FSD2: variants seen among roughly 807,000 people sequenced by gnomAD.
The protein encoded by FSD2 is fibronectin type III and SPRY domain containing 2.
A neutral mutation model predicts 80.4 loss-of-function variants in FSD2; 71 were observed. The observed-to-expected ratio is 0.88, with a 90% CI of 0.73 to 1.08. The LOEUF (loss-of-function observed/expected upper bound fraction) is 1.08. FSD2 is among the 50% of genes least tolerant of loss of function. FSD2 has a pLI of 0.00. For missense variants in FSD2, 923 were observed against 913.8 expected, an observed-to-expected ratio of 1.01 and a Z score of -0.13; for synonymous variants, 361 against 329.5, an observed-to-expected ratio of 1.10 and a Z score of -1.03.
intron 1 of FSD2, among the ~76,000 whole-genome samples, chr15:82,803,227 C>T (rs1228905164): frequency 2.0e-5 from 3 of 152,138 alleles, no homozygotes; most frequent in Non-Finnish European, 4.4e-5. Flanking sequence ...GCTTGAAACC[C>T]TCCTGTCTCT....
At chr15:82,767,101 G>A (rs1389987562) in intron 9 of FSD2, among the ~76,000 whole-genome samples, 2 of 152,160 alleles carry the variant, frequency 1.3e-5, no homozygotes, top group Non-Finnish European at 2.9e-5. Flanking sequence ...TAGGTTCCAG[G>A]CACTGTATAG....
At chr15:82,785,772 A>AC (rs374362717) in intron 3 of FSD2, among the ~76,000 whole-genome samples, 277 of 152,256 alleles carry the variant, frequency 1.8e-3, no homozygotes, top group African/African-American at 6.5e-3. Context: ...CATTATAGGT[A>AC]CCCCCAAAAG....
At chr15:82,801,588 G>A (rs2050414062) in intron 1 of FSD2, among the ~76,000 whole-genome samples, 1 of 152,050 alleles carries the variant, frequency 6.6e-6, no homozygotes, top group African/African-American at 2.4e-5. Context: ...CAGAGAGGTC[G>A]ACTTCCAGCA....
intron 6 of FSD2, among the ~76,000 whole-genome samples, chr15:82,774,427 A>C (rs1443662982): frequency 6.6e-6 from 1 of 152,228 alleles, no homozygotes; most frequent in Admixed American, 6.5e-5. Context: ...GTTGTACATA[A>C]GTTTTCTCAT....
At position 82,778,467 on chromosome 15, in the gene FSD2, T is replaced by TA. The variant is rs574067982; in HGVS notation, c.1111+298dup. Among the ~76,000 whole-genome samples the TA allele has an allele frequency of 6.0e-4, 91 of 152,204 alleles. No individual in the cohort carries two copies. In the East Asian group the frequency reaches 0.016, roughly 27 times the overall value. On this transcript the variant is annotated intron_variant, in intron 6 of 12. Transcript: ENST00000334574. ...AGGACAGATACTCCATGATTCCACT[T>TA]ACATGCAGTATATAAAGCAGTCAAA...
At chr15:82,778,646 G>A in intron 6 of FSD2, 120 bp downstream of exon 6, 2 of 1,116,748 alleles carry the variant, frequency 1.8e-6, no homozygotes, top group South Asian at 1.6e-5. Context: ...TAACAATATT[G>A]TATTGTACAC....
In FSD2 at chr15:82,772,069, T is replaced by C; in HGVS notation, c.1267+4A>G. 2 of 1,552,704 alleles carry C rather than the reference T, an allele frequency of 1.3e-6. No individual in the cohort carries two copies. Among genetic ancestry groups the C allele is most frequent in the Non-Finnish European group, 1.7e-6 (2 of 1,155,964 alleles). ...GCACGGGCATGTTCCTGGCAGAGCC[T>C]CACCTGCTTGGTCCGTCCCAGGTGA... is the stretch of plus-strand genomic sequence containing the variant. On this transcript the variant is annotated splice_donor_region_variant and intron_variant, in intron 7 of 12. Coordinates refer to ENST00000334574, the MANE Select transcript of FSD2 (RefSeq NM_001007122.4).
rs529717334 is a variant in FSD2, at chr15:82,765,685, G to A, written c.1687+213C>T. On this transcript the variant is annotated intron_variant, in intron 10 of 12. Transcript: ENST00000334574. The stretch of plus-strand genomic sequence containing the variant: ...ATGGATAAGAATTTCTAACCTATTT[G>A]CCAAGGGAAATAGGAATTGAAGGAC... Among the ~76,000 whole-genome samples the A allele has an allele frequency of 3.6e-4, 55 of 152,252 alleles. 1 individual carries two copies. In the South Asian group the frequency reaches 9.3e-3, roughly 26 times the overall value.
At chr15:82,762,819 A>T in intron 11 of FSD2, among the ~76,000 whole-genome samples, 1 of 152,194 alleles carries the variant, frequency 6.6e-6, no homozygotes, top group East Asian at 1.9e-4. Context: ...AATTATACTG[A>T]CAAAGATTAG....
intron 1 of FSD2, among the ~76,000 whole-genome samples, chr15:82,790,867 G>A (rs1360087823): frequency 6.6e-6 from 1 of 151,128 alleles, no homozygotes; most frequent in Non-Finnish European, 1.5e-5. Flanking sequence ...TTACAGGTGT[G>A]AGCCACCACG....
At chr15:82,796,087 C>T (rs548652535) in intron 1 of FSD2, among the ~76,000 whole-genome samples, 1 of 151,084 alleles carries the variant, frequency 6.6e-6, no homozygotes, top group Non-Finnish European at 1.5e-5. Flanking sequence ...ACTCAACCAC[C>T]GCCTTCTGGT....
chr15:82,800,026 C>T (rs2050373917), intron 1 of FSD2, among the ~76,000 whole-genome samples: 1 of 152,184 alleles, frequency 6.6e-6, no homozygotes. Flanking sequence ...CCTGGACATT[C>T]CTGCTGTAAG....
chr15:82,791,246 T>C (rs1242233179), intron 1 of FSD2, among the ~76,000 whole-genome samples: 5 of 150,100 alleles, frequency 3.3e-5, no homozygotes, highest in East Asian at 4.0e-4. Context: ...GGTCCGCCCG[T>C]CTCGGCCTCC....
chr15:82,765,933 C>T lies in FSD2; in HGVS notation c.1652G>A (p.Ser551Asn). The T allele has an allele frequency of 6.2e-7, 1 of 1,610,274 alleles. No individual in the cohort carries two copies. Among genetic ancestry groups the T allele is most frequent in the Non-Finnish European group, 8.5e-7 (1 of 1,178,928 alleles). ...GACTGTAGCTGGCTCGCTCCTCACG[C>T]TGGGGCCCCCCATATTGAGGGCTCG... ...YVRALNMGGPSVRSEPATVHT... is the reference protein window; with the variant it reads ...YVRALNMGGPNVRSEPATVHT... Residue 551 changes from serine (S) to asparagine (N), a missense_variant, in exon 10 of 13, where the codon AGC (serine) becomes AAC (asparagine). Coordinates refer to ENST00000334574, the MANE Select transcript of FSD2 (RefSeq NM_001007122.4).
chr15:82,800,383 G>A (rs2050380218), intron 1 of FSD2, among the ~76,000 whole-genome samples: 1 of 151,968 alleles, frequency 6.6e-6, no homozygotes, highest in Non-Finnish European at 1.5e-5. Context: ...AGATGGTCTG[G>A]AGGAAAATGA....
At chr15:82,781,547 T>G (rs998461525) in intron 4 of FSD2, among the ~76,000 whole-genome samples, 28 of 152,268 alleles carry the variant, frequency 1.8e-4, no homozygotes, top group South Asian at 2.1e-4. Context: ...GAAATCTGAC[T>G]GAGATTGAAA....
At chr15:82,776,515 A>G (rs1368478179) in intron 6 of FSD2, among the ~76,000 whole-genome samples, 2 of 152,312 alleles carry the variant, frequency 1.3e-5, no homozygotes, top group African/African-American at 4.8e-5. Flanking sequence ...AATACTTAGA[A>G]ATAAACTTAA....
intron 11 of FSD2, among the ~76,000 whole-genome samples, chr15:82,764,512 T>TTTTTTTTTTTTTTAA (rs2049366368): frequency 8.2e-6 from 1 of 121,842 alleles, no homozygotes; most frequent in Admixed American, 8.7e-5. Flanking sequence ...TTTTTTTTTT[T>TTTTTTTTTTTTTTAA]GAGAAGGAGT....
In FSD2 at chr15:82,782,826, A is replaced by T. The variant is rs1359187708; in HGVS notation, c.935T>A (p.Met312Lys). Residue 312 changes from methionine to lysine, a missense_variant, in exon 4 of 13, where the codon ATG becomes AAG. Physicochemically the swap from Met to Lys is moderately conservative, Grantham distance 95. Coordinates refer to ENST00000334574, the MANE Select transcript of FSD2 (RefSeq NM_001007122.4). ...GAAATCCACCTTCTCCTCGTGACAC[A>T]TCTCCTCTATTGTTTCCATCAGTTC... ...CKELMETIEE[M>K]CHEEKVDFIK... 6 of 1,612,978 alleles carry T rather than the reference A, an allele frequency of 3.7e-6. No homozygotes were observed. Among genetic ancestry groups the T allele is most frequent in the Non-Finnish European group, 5.1e-6 (6 of 1,179,636 alleles).
Sources: gnomAD v4.1 joint callset for allele counts (sites outside exome capture counted in the v4.1 genomes callset) on GRCh38, gnomAD v4.1.1 for gene constraint, MANE v1.5 for transcripts, NCBI Gene and HGNC (gene_info 2026-07-23, HGNC 2026-07-21) for gene names.